The following SNX9 variants were observed in gnomAD, a reference collection of about 807,000 sequenced individuals.
SNX9 encodes sorting nexin 9.
SNX9 carries 44 observed loss-of-function variants against 89.4 expected under a neutral mutation model. The observed-to-expected ratio is 0.49, with a 90% confidence interval of 0.39 to 0.63. The LOEUF is 0.63. SNX9 is among the 30% of genes least tolerant of loss of function. SNX9 has a pLI of 0.00. For missense variants in SNX9, 578 were observed against 736.1 expected (o/e 0.79, Z 2.49); for synonymous variants, 236 against 247.8 (o/e 0.95, Z 0.45).
rs921864828 is a variant in SNX9, at chr6:157,943,142, A to G, written c.*304A>G. 3 of 251,458 alleles carry G rather than the reference A, an allele frequency of 1.2e-5. No individual in the cohort carries two copies. The highest frequency in any genetic ancestry group is 4.5e-5 in the African/African-American group (2 of 44,798). The allele number at this position is 251,458 out of a possible 1,614,324, so 15.6% of individuals were successfully genotyped here. A position where few individuals can be genotyped will look rare whatever the true frequency, so the allele number is the denominator to read the frequency against. On this transcript the variant is annotated 3_prime_UTR_variant, in exon 18 of 18. Coordinates refer to ENST00000392185, the MANE Select transcript of SNX9 (RefSeq NM_016224.5). The stretch of plus-strand genomic sequence containing the variant: ...GGGTTTCTCCCCACTGATATTTTAC[A>G]TAGAGTCATAATTTATATGTCTTAT...
intron 2 of SNX9, among the ~76,000 whole-genome samples, chr6:157,868,514 G>C (rs6937267): frequency 0.032 from 4,932 of 152,206 alleles, 211 homozygotes; most frequent in African/African-American, 0.094. Context: ...TTGGATTTCT[G>C]TTATGGTCTG....
chr6:157,934,390 A>G (rs1454856574), intron 13 of SNX9: 1 of 152,262 alleles, frequency 6.6e-6, no homozygotes, highest in Non-Finnish European at 1.5e-5. Context: ...AATGCTTTAC[A>G]TAATTATTAG....
In SNX9 at chr6:157,823,284, G is replaced by A. The variant is rs1781270559; in HGVS notation, c.-151G>A. 1.9e-6 allele frequency: 1 copy of A among 527,880 alleles called. No homozygotes were observed. The allele number at this position is 527,880 out of a possible 1,614,324, so 32.7% of individuals were successfully genotyped here. A position where few individuals can be genotyped will look rare whatever the true frequency, so the allele number is the denominator to read the frequency against. ...CGCCCAGCGGCTGGGCCTGAGCGTC[G>A]AGACTCGGGGCCGAGGCGGAGGAGC... On this transcript the variant is annotated 5_prime_UTR_variant, in exon 1 of 18. Coordinates refer to ENST00000392185, the MANE Select transcript of SNX9 (RefSeq NM_016224.5). The surrounding 1 kb of genome is among the most constrained non-coding windows in gnomAD (Gnocchi z 4.6).
At chr6:157,826,482 A>C (rs1171580205) in intron 1 of SNX9, among the ~76,000 whole-genome samples, 1 of 149,752 alleles carries the variant, frequency 6.7e-6, no homozygotes, top group Non-Finnish European at 1.5e-5. Context: ...CCTGGGTGAC[A>C]GAGTGAGACT....
intron 4 of SNX9, among the ~76,000 whole-genome samples, chr6:157,894,721 T>G (rs964091894): frequency 1.3e-5 from 2 of 152,200 alleles, no homozygotes; most frequent in Non-Finnish European, 2.9e-5. Context: ...ACAAAACCCC[T>G]CAGCGTGACA....
chr6:157,929,522 T>C (rs1783765912), intron 12 of SNX9, among the ~76,000 whole-genome samples: 1 of 152,218 alleles, frequency 6.6e-6, no homozygotes, highest in Admixed American at 6.5e-5. Context: ...TCTTAACCTC[T>C]AGAGAACAGG....
At chr6:157,911,965 G>T (rs753680864) in intron 9 of SNX9, among the ~76,000 whole-genome samples, 2 of 152,136 alleles carry the variant, frequency 1.3e-5, no homozygotes, top group Non-Finnish European at 1.5e-5. Flanking sequence ...GTGGTCCCTC[G>T]TGGTGCTGGG....
At chr6:157,827,583 T>TTATAGTTTATATATATATGAGATATA (rs1562586644) in intron 1 of SNX9, among the ~76,000 whole-genome samples, 1 of 134,758 alleles carries the variant, frequency 7.4e-6, no homozygotes, top group Non-Finnish European at 1.5e-5. Context: ...ATATATTATA[T>TTATAGTTTATATATATATGAGATATA]TATAGTTTAT....
At chr6:157,922,188 T>C (rs1345869444) in intron 10 of SNX9, among the ~76,000 whole-genome samples, 1 of 152,204 alleles carries the variant, frequency 6.6e-6, no homozygotes, top group Non-Finnish European at 1.5e-5. Context: ...AGTCTGCCAG[T>C]GGTCATCTGT....
chr6:157,860,059 C>G (rs1193433345), intron 1 of SNX9, among the ~76,000 whole-genome samples: 4 of 152,164 alleles, frequency 2.6e-5, no homozygotes, highest in Non-Finnish European at 5.9e-5. Flanking sequence ...ACTGCGGCAG[C>G]AGAGACAGAC....
rs542476456 is a variant in SNX9 at position 157,837,027 on chromosome 6, TC to T, written c.12+13582del. ...TTCTGTCCTTGGTTGGTCCCTAAGATCTGTGAGGCCGTAAATTGGGTGGCTG... is the reference window on the plus strand; with the variant it reads ...TTCTGTCCTTGGTTGGTCCCTAAGATTGTGAGGCCGTAAATTGGGTGGCTG... On this transcript the variant is annotated intron_variant, in intron 1 of 17. Coordinates refer to ENST00000392185, the MANE Select transcript of SNX9 (RefSeq NM_016224.5). Among the ~76,000 whole-genome samples, 4 of 152,356 alleles carry T rather than the reference TC, an allele frequency of 2.6e-5. 1 individual carries two copies. The South Asian group carries it at 8.3e-4, about 32-fold the overall frequency.
chr6:157,857,222 ATCTT>A (rs1232119930), intron 1 of SNX9, among the ~76,000 whole-genome samples: 2 of 152,302 alleles, frequency 1.3e-5, no homozygotes, highest in African/African-American at 4.8e-5. Flanking sequence ...CAGCAAGCTC[ATCTT>A]CAGGTTGGTA....
At chr6:157,889,628 C>T (rs983638325) in intron 4 of SNX9, among the ~76,000 whole-genome samples, 1 of 152,104 alleles carries the variant, frequency 6.6e-6, no homozygotes, top group Non-Finnish European at 1.5e-5. Context: ...TGTCTTCTTC[C>T]TCTTTTATGT....
chr6:157,831,684 A>C (rs1781482033), intron 1 of SNX9, among the ~76,000 whole-genome samples: 2 of 152,162 alleles, frequency 1.3e-5, no homozygotes, highest in African/African-American at 4.8e-5. Context: ...TTCTGCTTTC[A>C]CTTCCTTTGT....
intron 4 of SNX9, among the ~76,000 whole-genome samples, chr6:157,889,196 G>C (rs1010145974): frequency 6.6e-6 from 1 of 151,756 alleles, no homozygotes; most frequent in African/African-American, 2.4e-5. Context: ...TTTGGGAGGC[G>C]GAGGCAGGCA....
chr6:157,925,498 C>A (rs191439058), intron 10 of SNX9, among the ~76,000 whole-genome samples: 1 of 152,128 alleles, frequency 6.6e-6, no homozygotes. Context: ...AATAGAAATG[C>A]AGGCACACAG....
chr6:157,845,621 T>G (rs1192862501), intron 1 of SNX9, among the ~76,000 whole-genome samples: 1 of 152,216 alleles, frequency 6.6e-6, no homozygotes, highest in Admixed American at 6.5e-5. Flanking sequence ...GAATTTCCTG[T>G]GTATACTAGA....
chr6:157,894,106 C>CTTTTCTTTTTTTTTTT (rs1484938597), intron 4 of SNX9, among the ~76,000 whole-genome samples: 1 of 89,564 alleles, frequency 1.1e-5, no homozygotes, highest in African/African-American at 4.6e-5. Context: ...CTTTTCTTTT[C>CTTTTCTTTTTTTTTTT]TTTTTTTTTT....
intron 1 of SNX9, among the ~76,000 whole-genome samples, chr6:157,851,429 C>T (rs1322420559): frequency 1.3e-5 from 2 of 152,014 alleles, no homozygotes; most frequent in Non-Finnish European, 2.9e-5. Flanking sequence ...TAACCATTGC[C>T]ACTATTTCTA....
Sources: gnomAD v4.1 joint callset for allele counts (sites outside exome capture counted in the v4.1 genomes callset) on GRCh38, gnomAD v4.1.1 for gene constraint, Gnocchi (gnomAD v3.1) non-coding constraint, MANE v1.5 for transcripts, NCBI Gene and HGNC (gene_info 2026-07-23, HGNC 2026-07-21) for gene names.